ZNF33B: variants seen among roughly 807,000 people sequenced by gnomAD.
ZNF33B encodes the protein zinc finger protein 33B.
ZNF33B carries 29 observed loss-of-function variants against 45.8 expected under a neutral mutation model. The ratio of observed to expected loss-of-function variants is 0.63; its 90% CI spans 0.47 to 0.86. The LOEUF (loss-of-function observed/expected upper bound fraction) is 0.86, where lower values mean the gene tolerates loss of function less well. Among genes scored for constraint, ZNF33B ranks in the 40% least tolerant of loss-of-function variants. The pLI is 0.00. For missense variants in ZNF33B, 831 were observed against 909.9 expected, an observed-to-expected ratio of 0.91 and a Z score of 1.12; for synonymous variants, 305 against 307.8, an observed-to-expected ratio of 0.99 and a Z score of 0.10.
At chr10:42,637,715 T>G (rs1445214828) in intron 1 of ZNF33B, among the ~76,000 whole-genome samples, 2 of 152,156 alleles carry the variant, frequency 1.3e-5, no homozygotes, top group Non-Finnish European at 2.9e-5. Context: ...CAGTCTGGAG[T>G]GCAATGGTGC....
At chr10:42,618,709 G>A (rs1441819557) in intron 4 of ZNF33B, among the ~76,000 whole-genome samples, 3 of 152,088 alleles carry the variant, frequency 2.0e-5, no homozygotes, top group African/African-American at 7.2e-5. Flanking sequence ...TGAGCTTCTT[G>A]GATGAATATA....
chr10:42,609,090 C>A (rs1036733889), intron 4 of ZNF33B, among the ~76,000 whole-genome samples: 8 of 152,050 alleles, frequency 5.3e-5, no homozygotes, highest in African/African-American at 1.9e-4. Context: ...ATGACCTACA[C>A]AAGTAAAAAG....
At chr10:42,631,725 C>T (rs1054673650) in intron 4 of ZNF33B, 13 of 536,046 alleles carry the variant, frequency 2.4e-5, no homozygotes, top group Non-Finnish European at 3.7e-5. Context: ...GGTAAACCTT[C>T]AAAAAATGAT....
At chr10:42,604,011 T>A (rs1234785036) in intron 4 of ZNF33B, among the ~76,000 whole-genome samples, 2 of 152,196 alleles carry the variant, frequency 1.3e-5, no homozygotes, top group Admixed American at 1.3e-4. Context: ...CTCTACAATG[T>A]CTATTCTTCA....
rs1837322230 is a variant in ZNF33B at position 42,594,691 on chromosome 10, T to C, written c.259A>G (p.Thr87Ala). 1.9e-6 allele frequency: 3 copies of C among 1,561,364 alleles called. No individual in the cohort carries two copies. The highest frequency in any genetic ancestry group is 2.6e-6 in the Non-Finnish European group (3 of 1,160,570). ...CTCCTCTCTTTCAGGTGATCAGCTGTCCAGACTTCTACAAACAAACAAAAT... is the reference window on the plus strand; with the variant it reads ...CTCCTCTCTTTCAGGTGATCAGCTGCCCAGACTTCTACAAACAAACAAAAT... Reference protein sequence around the residue: ...FPSQSFPEVWTADHLKERSQE... With the variant: ...FPSQSFPEVWAADHLKERSQE... The change falls in exon 5 of 5, where the codon ACA becomes GCA. Residue 87 changes from threonine (T) to alanine (A), a missense_variant. Transcript: ENST00000359467.
chr10:42,620,150 A>G (rs1838504884), intron 4 of ZNF33B, among the ~76,000 whole-genome samples: 1 of 148,076 alleles, frequency 6.8e-6, no homozygotes, highest in Non-Finnish European at 1.5e-5. Context: ...CAGGAGGAGG[A>G]GGTTGCAGTG....
chr10:42,635,809 C>CAA lies in ZNF33B; in HGVS notation c.9+1109_9+1110dup, dbSNP rs35517157. Among the ~76,000 whole-genome samples, 55 of 102,878 alleles carry CAA rather than the reference C, an allele frequency of 5.3e-4. 1 individual carries two copies. The highest frequency in any genetic ancestry group is 7.3e-4 in the Admixed American group (7 of 9,652). The allele number at this position is 102,878 out of a possible 152,430, so 67.5% of individuals were successfully genotyped here. On this transcript the variant is annotated intron_variant, in intron 2 of 4. Transcript: ENST00000359467. ...TGGCGACAGAGCAAGACTCTGTATC[C>CAA]AAAAAAAAAAAAAAAAATTAAAATA...
At chr10:42,617,581 AGTT>A (rs1359626183) in intron 4 of ZNF33B, among the ~76,000 whole-genome samples, 2 of 152,212 alleles carry the variant, frequency 1.3e-5, no homozygotes, top group Non-Finnish European at 2.9e-5. Context: ...CACATGCATT[AGTT>A]GTGTATATTT....
chr10:42,577,304 T>C (rs1836761921), intron 1 of ZNF33B, among the ~76,000 whole-genome samples: 1 of 152,056 alleles, frequency 6.6e-6, no homozygotes, highest in African/African-American at 2.4e-5. Flanking sequence ...CACTGGTGCC[T>C]CCTCCAGTCT....
At position 42,636,843 on chromosome 10, in the gene ZNF33B, C is replaced by G. The variant is rs1839326718; in HGVS notation, c.9+77G>C. The G allele has an allele frequency of 1.3e-5, 21 of 1,603,342 alleles. No individual in the cohort carries two copies. The Admixed American group carries it at 1.3e-4, about 10-fold the overall frequency. ...ACTCCATGTCACAAACAAAACAAAA[C>G]AAAAAAACCATACTGACTCTTACAA... On this transcript the variant is annotated intron_variant, in intron 2 of 4. Coordinates refer to ENST00000359467, the MANE Select transcript of ZNF33B (RefSeq NM_006955.3).
chr10:42,601,335 T>A (rs1233806219), intron 4 of ZNF33B, among the ~76,000 whole-genome samples: 1 of 152,120 alleles, frequency 6.6e-6, no homozygotes, highest in Non-Finnish European at 1.5e-5. Flanking sequence ...TCCCAACACA[T>A]TTGGAAATTT....
At chr10:42,614,602 A>C (rs1165874348) in intron 4 of ZNF33B, among the ~76,000 whole-genome samples, 1 of 152,208 alleles carries the variant, frequency 6.6e-6, no homozygotes, top group African/African-American at 2.4e-5. Flanking sequence ...TCATGAAATA[A>C]AGTGAATGTT....
intron 4 of ZNF33B, among the ~76,000 whole-genome samples, chr10:42,617,531 T>C (rs951275885): frequency 2.2e-4 from 33 of 152,206 alleles, no homozygotes; most frequent in African/African-American, 6.0e-4. Context: ...AAAACTGACA[T>C]TGATTCATTC....
downstream of ZNF33B, chr10:42,589,047 C>G (rs1319891775): frequency 3.7e-6 from 1 of 271,844 alleles, no homozygotes; most frequent in South Asian, 1.4e-4. Context: ...TTTACAGGTT[C>G]AGTCAGAAAC....
At chr10:42,634,427 T>G (rs1438015418) in intron 2 of ZNF33B, among the ~76,000 whole-genome samples, 1 of 151,974 alleles carries the variant, frequency 6.6e-6, no homozygotes, top group Admixed American at 6.6e-5. Flanking sequence ...CCTCCCAAAT[T>G]TATATATAGG....
At chr10:42,615,569 G>C (rs1838277985) in intron 4 of ZNF33B, among the ~76,000 whole-genome samples, 1 of 152,162 alleles carries the variant, frequency 6.6e-6, no homozygotes, top group African/African-American at 2.4e-5. Context: ...CAGGAAAGGG[G>C]AAAGAGAAAG....
At chr10:42,637,069 T>A in intron 1 of ZNF33B, 97 bp from the exon 2 acceptor site, 1 of 1,168,684 alleles carries the variant, frequency 8.6e-7, no homozygotes, top group Non-Finnish European at 1.3e-6. Flanking sequence ...ACCCACTAGG[T>A]AAAATGCTCC....
rs769342070 is a variant in ZNF33B, at chr10:42,592,868, T to C, written c.2082A>G (p.Glu694=). 1.9e-6 allele frequency: 3 copies of C among 1,614,102 alleles called. No individual in the cohort carries two copies. Among genetic ancestry groups the C allele is most frequent in the Non-Finnish European group, 2.5e-6 (3 of 1,179,948 alleles). The part of the protein sequence containing the change: ...ERKHTGEKPY[E]CNECGKSFSH... ...TGAAGGATTTCCCACATTCATTGCA[T>C]TCATAGGGTTTCTCCCCCGTGTGCT... Residue 694 remains glutamate (E), a synonymous_variant, in exon 5 of 5, where the codon GAA becomes GAG. Coordinates refer to ENST00000359467, the MANE Select transcript of ZNF33B (RefSeq NM_006955.3).
At position 42,594,446 on chromosome 10, in the gene ZNF33B, G is replaced by A. The variant is rs370800363; in HGVS notation, c.504C>T (p.Asp168=). Residue 168 remains aspartate (D), a synonymous_variant, in exon 5 of 5, where the codon GAC becomes GAT. Transcript: ENST00000359467. ...ACAATTTCCCACATGCATTAAATTC[G>A]TCAGACTTTTTTCCTAAATAGTTTA... The part of the protein sequence containing the change: ...SKINYLGKKS[D]EFNACGKLLL... 4.3e-5 allele frequency: 69 copies of A among 1,613,392 alleles called. No individual in the cohort carries two copies. The highest frequency in any genetic ancestry group is 3.3e-4 in the Middle Eastern group (2 of 6,076).
Sources: gnomAD v4.1 joint callset for allele counts (sites outside exome capture counted in the v4.1 genomes callset) on GRCh38, gnomAD v4.1.1 for gene constraint, MANE v1.5 for transcripts, NCBI Gene and HGNC (gene_info 2026-07-23, HGNC 2026-07-21) for gene names.